Variants in LRP1B observed in about 807,000 individuals in gnomAD.
The protein encoded by LRP1B is LDL receptor related protein 1B, also known as low-density lipoprotein receptor-related protein 1B.
In LRP1B, 217 loss-of-function variants were observed where a neutral mutation model predicts 556.6. The observed-to-expected ratio is 0.39, with a 90% CI of 0.35 to 0.44. The LOEUF (loss-of-function observed/expected upper bound fraction) is 0.44. Ranked by LOEUF, LRP1B falls within the 20% of genes least tolerant of loss-of-function variation. LRP1B has a pLI of 1.00. For synonymous variants in LRP1B, 2,047 were observed against 1,865.8 expected (o/e 1.10, Z -2.50); for missense variants, 5,053 against 5,620.8 (o/e 0.90, Z 3.23).
chr2:141,982,302 T>C (rs1042345389), intron 1 of LRP1B, among the ~76,000 whole-genome samples: 2 of 152,190 alleles, frequency 1.3e-5, no homozygotes, highest in African/African-American at 2.4e-5. Flanking sequence ...TTCAAGAAAG[T>C]ATTTTTAGTT....
At chr2:140,457,037 G>T (rs1687134813) in intron 61 of LRP1B, among the ~76,000 whole-genome samples, 1 of 152,012 alleles carries the variant, frequency 6.6e-6, no homozygotes, top group Non-Finnish European at 1.5e-5. Context: ...ATTTCACAAG[G>T]CCAGATGAAA....
chr2:141,920,481 T>C (rs944689851), intron 1 of LRP1B, among the ~76,000 whole-genome samples: 1 of 151,796 alleles, frequency 6.6e-6, no homozygotes, highest in Non-Finnish European at 1.5e-5. Flanking sequence ...AGGATAAAAA[T>C]TGGAGAAAAC....
At chr2:140,683,644 C>G in intron 41 of LRP1B, 1 of 692,532 alleles carries the variant, frequency 1.4e-6, no homozygotes, top group Admixed American at 1.8e-5. Context: ...GTATTCCATC[C>G]GAGTCCTCCG....
chr2:141,733,466 T>C (rs1374850426), intron 2 of LRP1B, among the ~76,000 whole-genome samples: 2 of 152,116 alleles, frequency 1.3e-5, no homozygotes, highest in Admixed American at 6.6e-5. Context: ...GTCTGTGGTC[T>C]TACATCCTTT....
intron 77 of LRP1B, among the ~76,000 whole-genome samples, chr2:140,342,770 A>G (rs758100549): frequency 8.6e-5 from 13 of 151,618 alleles, no homozygotes; most frequent in Non-Finnish European, 1.6e-4. Flanking sequence ...AAATCTCTAC[A>G]TCAAACCATA....
chr2:141,850,583 G>GTATA (rs70994457), intron 1 of LRP1B, among the ~76,000 whole-genome samples: 26,360 of 142,552 alleles, frequency 0.18, 2,852 homozygotes, highest in East Asian at 0.31. Context: ...ATGTGTGTAT[G>GTATA]TATATATATA....
chr2:140,299,363 C>G (rs1200705918), intron 83 of LRP1B, among the ~76,000 whole-genome samples: 1 of 151,986 alleles, frequency 6.6e-6, no homozygotes, highest in Non-Finnish European at 1.5e-5. Context: ...GACTGATGCT[C>G]TAAATGAACA....
In LRP1B at chr2:140,541,925, T is replaced by C. The variant is rs1053545277; in HGVS notation, c.7241A>G (p.Tyr2414Cys). 5 of 1,610,974 alleles carry C rather than the reference T, an allele frequency of 3.1e-6. No individual in the cohort carries two copies. Among genetic ancestry groups the C allele is most frequent in the South Asian group, 1.1e-5 (1 of 90,728 alleles). ...GTCCGACCAGAATATATAATTGTCA[T>C]AAACAGCCAAACTGAGGAAAGTCCC... ...GPGTFLSLAV[Y>C]DNYIFWSDWG... The change falls in exon 44 of 91, where the codon TAT becomes TGT. Residue 2414 changes from tyrosine (Y) to cysteine (C), a missense_variant. Transcript: ENST00000389484.
intron 20 of LRP1B, among the ~76,000 whole-genome samples, chr2:140,936,356 A>AAAAAAAGAAAGG (rs1322571028): frequency 4.0e-5 from 5 of 125,614 alleles, no homozygotes; most frequent in African/African-American, 1.4e-4. Flanking sequence ...AAAAAAAAAA[A>AAAAAAAGAAAGG]AAAAAAGAAA....
chr2:140,263,528 C>T (rs867838206), intron 86 of LRP1B, among the ~76,000 whole-genome samples: 5 of 152,110 alleles, frequency 3.3e-5, no homozygotes, highest in Middle Eastern at 3.2e-3. Context: ...ATTTATCTTT[C>T]CCCTCTCACT....
At chr2:141,442,320 TTAC>T (rs779706499) in intron 3 of LRP1B, among the ~76,000 whole-genome samples, 69 of 152,274 alleles carry the variant, frequency 4.5e-4, no homozygotes, top group Non-Finnish European at 9.4e-4. Flanking sequence ...TACAAAAGAT[TTAC>T]TTTTATAGTA....
At chr2:140,286,855 T>C (rs560743954) in intron 84 of LRP1B, among the ~76,000 whole-genome samples, 109 of 151,814 alleles carry the variant, frequency 7.2e-4, no homozygotes, top group Non-Finnish European at 1.1e-3. Flanking sequence ...AATAAATATC[T>C]GCATTAATTT....
intron 47 of LRP1B, among the ~76,000 whole-genome samples, chr2:140,533,673 T>C (rs1300940456): frequency 6.6e-6 from 1 of 152,102 alleles, no homozygotes; most frequent in Non-Finnish European, 1.5e-5. Flanking sequence ...TAGGAAAATG[T>C]GATCATGAGT....
At chr2:141,872,452 G>A (rs915767750) in intron 1 of LRP1B, among the ~76,000 whole-genome samples, 2 of 151,696 alleles carry the variant, frequency 1.3e-5, no homozygotes, top group African/African-American at 4.8e-5. Flanking sequence ...AACAAAGAGA[G>A]CAAAAAGCAT....
At chr2:141,159,392 T>C (rs1375488641) in intron 7 of LRP1B, among the ~76,000 whole-genome samples, 5 of 152,112 alleles carry the variant, frequency 3.3e-5, no homozygotes, top group African/African-American at 1.2e-4. Context: ...TTTTTATTTT[T>C]GTTTTTTTGT....
At chr2:141,308,063 A>G (rs1199792350) in intron 3 of LRP1B, among the ~76,000 whole-genome samples, 2 of 152,156 alleles carry the variant, frequency 1.3e-5, no homozygotes, top group Admixed American at 1.3e-4. Flanking sequence ...AGAAGTGCTT[A>G]TGTGCCAACA....
At chr2:140,708,248 C>T (rs1369110473) in intron 37 of LRP1B, among the ~76,000 whole-genome samples, 1 of 151,778 alleles carries the variant, frequency 6.6e-6, no homozygotes, top group Non-Finnish European at 1.5e-5. Flanking sequence ...TAAACAACTT[C>T]AGAATTTTTT....
rs1181151455 is a variant in LRP1B, at chr2:142,096,841, T to C, written c.82+33807A>G. ...CCCATCACCCAGGTACTGAGCATAG[T>C]ACCTAATAGTTTTTTAACCCTTTCT... On this transcript the variant is annotated intron_variant, in intron 1 of 90. Transcript: ENST00000389484. Among the ~76,000 whole-genome samples the C allele has an allele frequency of 6.4e-4, 97 of 151,582 alleles. 1 individual carries two copies. Among genetic ancestry groups the C allele is most frequent in the Non-Finnish European group, 1.5e-5 (1 of 67,670 alleles).
At chr2:141,627,208 C>T (rs1194276018) in intron 2 of LRP1B, among the ~76,000 whole-genome samples, 1 of 152,178 alleles carries the variant, frequency 6.6e-6, no homozygotes, top group Non-Finnish European at 1.5e-5. Flanking sequence ...AGGCTACATA[C>T]TGTTGATTCC....
Sources: gnomAD v4.1 joint callset for allele counts (sites outside exome capture counted in the v4.1 genomes callset) on GRCh38, gnomAD v4.1.1 for gene constraint, MANE v1.5 for transcripts, NCBI Gene and HGNC (gene_info 2026-07-23, HGNC 2026-07-21) for gene names.